KMT5A: variants seen among roughly 807,000 people sequenced by gnomAD.
KMT5A encodes the protein lysine methyltransferase 5A, also known as N-lysine methyltransferase KMT5A.
In KMT5A, 6 loss-of-function variants were observed where a neutral mutation model predicts 40.6. That is an observed-to-expected ratio of 0.15 (90% CI 0.08 to 0.29). The LOEUF is 0.29. Among genes scored for constraint, KMT5A ranks in the 10% least tolerant of loss-of-function variants. The pLI is 1.00. For missense variants in KMT5A, 308 were observed against 459.1 expected, an observed-to-expected ratio of 0.67 and a Z score of 3.01; for synonymous variants, 153 against 178.8, an observed-to-expected ratio of 0.86 and a Z score of 1.15.
chr12:123,395,627 C>T (rs1403393755), intron 4 of KMT5A, among the ~76,000 whole-genome samples: 6 of 149,400 alleles, frequency 4.0e-5, no homozygotes, highest in Non-Finnish European at 5.9e-5. Flanking sequence ...TGCAATAGTG[C>T]GATCTCGGCT....
chr12:123,384,287 C>A lies in KMT5A; in HGVS notation c.10+79C>A. The stretch of plus-strand genomic sequence containing the variant: ...GGGGTTGCCGGGGTGGAGGCAGCGG[C>A]TGCGGGGAGGCGTCCTCCTCGGGTG... On this transcript the variant is annotated intron_variant, in intron 1 of 7. Coordinates refer to ENST00000402868, the MANE Select transcript of KMT5A (RefSeq NM_020382.7). The surrounding 1 kb of genome is among the most constrained non-coding windows in gnomAD (Gnocchi z 5.7). 2 of 1,579,990 alleles carry A rather than the reference C, an allele frequency of 1.3e-6. No individual in the cohort carries two copies. The highest frequency in any genetic ancestry group is 1.7e-6 in the Non-Finnish European group (2 of 1,164,124).
intron 2 of KMT5A, 33 bp downstream of exon 2, chr12:123,389,587 G>T: frequency 9.4e-7 from 1 of 1,069,022 alleles, no homozygotes; most frequent in Non-Finnish European, 1.1e-6. Context: ...CCCCTGCGGC[G>T]CGCCCGCCGG....
chr12:123,389,358 C>G, intron 1 of KMT5A, 75 bp from the exon 2 acceptor site: 5 of 954,536 alleles, frequency 5.2e-6, no homozygotes, highest in Non-Finnish European at 6.3e-6. Flanking sequence ...GGCGCCCGGC[C>G]CGGGCGGCCC....
At chr12:123,392,862 G>GGATGGTTTT (rs1465067079) in intron 3 of KMT5A, among the ~76,000 whole-genome samples, 1 of 151,910 alleles carries the variant, frequency 6.6e-6, no homozygotes, top group African/African-American at 2.4e-5. Flanking sequence ...AGAAAGATCT[G>GGATGGTTTT]GATGGTTTTA....
At chr12:123,400,246 AG>A (rs1878044989) in intron 5 of KMT5A, among the ~76,000 whole-genome samples, 1 of 141,080 alleles carries the variant, frequency 7.1e-6, no homozygotes, top group Admixed American at 7.1e-5. Context: ...CGTGTTAGCC[AG>A]GATGGTCTCG....
rs773242847 is a variant in KMT5A at position 123,390,694 on chromosome 12, T to C, written c.197T>C (p.Met66Thr). The change falls in exon 3 of 8, where the codon ATG (methionine) becomes ACG (threonine). Residue 66 changes from methionine (M) to threonine (T), a missense_variant. By Grantham distance (81) the Met-to-Thr change is moderately conservative. Coordinates refer to ENST00000402868, the MANE Select transcript of KMT5A (RefSeq NM_020382.7). ...ATGAGCCCGAACAAATGCTCTGGAA[T>C]GCGTTTCCCCCTTCAGGAAGAGAAC... ...SYMSPNKCSG[M>T]RFPLQEENSV... 2 of 1,613,960 alleles carry C rather than the reference T, an allele frequency of 1.2e-6. No individual in the cohort carries two copies. The highest frequency in any genetic ancestry group is 3.3e-5 in the Admixed American group (2 of 60,018).
At chr12:123,400,482 T>C (rs903928551) in intron 5 of KMT5A, among the ~76,000 whole-genome samples, 1 of 151,352 alleles carries the variant, frequency 6.6e-6, no homozygotes, top group South Asian at 2.1e-4. Flanking sequence ...TGCCTCAACC[T>C]CCCAAGTAGC....
chr12:123,394,573 C>G (rs994797892), intron 3 of KMT5A, among the ~76,000 whole-genome samples: 1 of 152,158 alleles, frequency 6.6e-6, no homozygotes, highest in African/African-American at 2.4e-5. Context: ...GGGGCTTCAA[C>G]CCCACTAGAA....
intron 7 of KMT5A, among the ~76,000 whole-genome samples, chr12:123,405,652 G>A (rs543229710): frequency 1.7e-3 from 256 of 148,582 alleles, no homozygotes; most frequent in Non-Finnish European, 2.8e-3. Context: ...ACGTAACTGG[G>A]ATTACAGGTG....
Position 123,406,264 on chromosome 12 carries a change from T to G in KMT5A, c.848+1190T>G, listed in dbSNP as rs145006382. ...TGGCCAGAGCAGCTCTGGAAATCAC[T>G]AATTGATCTTGCCTGGCTAGGACCA... On this transcript the variant is annotated intron_variant, in intron 7 of 7. Coordinates refer to ENST00000402868, the MANE Select transcript of KMT5A (RefSeq NM_020382.7). Among the ~76,000 whole-genome samples the G allele has an allele frequency of 3.6e-3, 544 of 152,354 alleles. 6 individuals carry two copies. Among genetic ancestry groups the G allele is most frequent in the Non-Finnish European group, 4.5e-3 (303 of 68,040 alleles).
chr12:123,385,816 C>T (rs1413036663), intron 1 of KMT5A, among the ~76,000 whole-genome samples: 3 of 152,116 alleles, frequency 2.0e-5, no homozygotes, highest in African/African-American at 7.2e-5. Context: ...TACGTCACCG[C>T]ACTCCAGCAT....
At chr12:123,390,886 A>T in intron 3 of KMT5A, 100 bp downstream of exon 3, 1 of 1,389,822 alleles carries the variant, frequency 7.2e-7, no homozygotes, top group Admixed American at 2.2e-5. Context: ...CAACCTTTTC[A>T]GTCTCAGATT....
rs760369562 is a variant in KMT5A, at chr12:123,407,622, C to T, written c.978C>T (p.Ile326=). The change falls in exon 8 of 8, where the codon ATC becomes ATT. Residue 326 remains isoleucine, a synonymous_variant. Transcript: ENST00000402868. ...TCATCCTCATCGCCTCCCGAGACAT[C>T]GCGGCTGGGGAGGAGCTCCTGTATG... ...PHLILIASRD[I]AAGEELLYDY... is the part of the protein sequence containing the mutation. 2.2e-5 allele frequency: 35 copies of T among 1,613,772 alleles called. No individual in the cohort carries two copies. In the South Asian group the frequency reaches 2.3e-4, roughly 11 times the overall value.
rs1251133320 is a variant in KMT5A, at chr12:123,389,498, GC to G, written c.80del (p.Pro27ArgfsTer32). The G allele has an allele frequency of 4.4e-6, 5 of 1,127,566 alleles. No individual in the cohort carries two copies. Among genetic ancestry groups the G allele is most frequent in the Non-Finnish European group, 2.2e-6 (2 of 926,318 alleles). 69.8% of individuals were successfully genotyped at this position (1,127,566 alleles called of 1,614,324 possible). ...GGCGGCGGCGGCGGTGGCAGCGACG[GC>G]CCCGGGCCCGGAGATGGTGGAGCGG... The part of the protein sequence containing the change: ...AAAAAAVAAT[A>X]PGPEMVERRG... On this transcript the variant is annotated frameshift_variant, in exon 2 of 8. Coordinates refer to ENST00000402868, the MANE Select transcript of KMT5A (RefSeq NM_020382.7). LOFTEE classifies it high-confidence loss of function.
intron 6 of KMT5A, 69 bp from the exon 7 acceptor site, chr12:123,404,815 C>T (rs1185988230): frequency 8.1e-6 from 12 of 1,488,676 alleles, no homozygotes; most frequent in African/African-American, 2.8e-5. Context: ...CCCAGCTCCC[C>T]GGAGACCTGC....
chr12:123,392,919 C>T (rs1364153278), intron 3 of KMT5A, among the ~76,000 whole-genome samples: 4 of 152,142 alleles, frequency 2.6e-5, no homozygotes, highest in African/African-American at 7.2e-5. Context: ...CTCTGTCTTG[C>T]AGTCTGGAGT....
intron 5 of KMT5A, among the ~76,000 whole-genome samples, chr12:123,400,543 TAG>T (rs1405362995): frequency 6.6e-6 from 1 of 151,536 alleles, no homozygotes; most frequent in Non-Finnish European, 1.5e-5. Context: ...GTGTTTTTAG[TAG>T]AGACAGAGTT....
At chr12:123,390,009 C>T (rs1156828738) in intron 2 of KMT5A, 3 of 462,204 alleles carry the variant, frequency 6.5e-6, no homozygotes, top group Non-Finnish European at 1.3e-5. Flanking sequence ...CTCTTACTGA[C>T]GCCCAGGTGC....
At chr12:123,401,117 A>T (rs1878121476) in intron 5 of KMT5A, among the ~76,000 whole-genome samples, 3 of 146,510 alleles carry the variant, frequency 2.0e-5, no homozygotes, top group Non-Finnish European at 3.0e-5. Flanking sequence ...TGTTTTTTTT[A>T]AATCTATTCC....
Sources: gnomAD v4.1 joint callset for allele counts (sites outside exome capture counted in the v4.1 genomes callset) on GRCh38, gnomAD v4.1.1 for gene constraint, Gnocchi (gnomAD v3.1) non-coding constraint, MANE v1.5 for transcripts, NCBI Gene and HGNC (gene_info 2026-07-23, HGNC 2026-07-21) for gene names.